RP1L1: variants seen among roughly 807,000 people sequenced by gnomAD.
The protein encoded by RP1L1 is RP1 like 1, also known as retinitis pigmentosa 1-like 1 protein.
Under a neutral mutation model 15.7 loss-of-function variants are expected in RP1L1, and 27 were observed. That is an observed-to-expected ratio of 1.72 (90% CI 1.27 to 2.38). RP1L1 has a LOEUF of 2.38. RP1L1 is among the 30% of genes most tolerant of loss of function. The probability of loss-of-function intolerance (pLI) is 0.00; values close to 1 mark genes in which losing one functional copy is unlikely to be tolerated. For synonymous variants in RP1L1, 1,813 were observed against 1,276.7 expected (o/e 1.42, Z -8.96); for missense variants, 4,798 against 3,075.9 (o/e 1.56, Z -13.24).
intron 3 of RP1L1, among the ~76,000 whole-genome samples, chr8:10,614,783 G>T (rs944454941): frequency 6.6e-6 from 1 of 151,992 alleles, no homozygotes; most frequent in Non-Finnish European, 1.5e-5. Context: ...CATCTCCTGG[G>T]GGGAGGGGGA....
rs777533649 is a variant in RP1L1 at position 10,622,860 on chromosome 8, A to C, written c.342T>G (p.Ser114Arg). The change falls in exon 2 of 4, where the codon AGT becomes AGG. Residue 114 changes from serine to arginine, a missense_variant. By Grantham distance (110) the Ser-to-Arg change is moderately radical. Coordinates refer to ENST00000382483, the MANE Select transcript of RP1L1 (RefSeq NM_178857.6). Reference sequence around the variant, plus strand: ...TTCTCTCCTGTGGCCGGCCTGGTCCACTGGGGGTCTTGGGGGGCTTCTTAT... The same window carrying C: ...TTCTCTCCTGTGGCCGGCCTGGTCCCCTGGGGGTCTTGGGGGGCTTCTTAT... ...CSDKKPPKTPSGPGRPQERNP... is the reference protein window; with the variant it reads ...CSDKKPPKTPRGPGRPQERNP... 2.5e-6 allele frequency: 4 copies of C among 1,612,746 alleles called. No individual in the cohort carries two copies. The highest frequency in any genetic ancestry group is 3.4e-6 in the Non-Finnish European group (4 of 1,179,276).
chr8:10,619,378 C>A (rs1237527290), intron 2 of RP1L1, among the ~76,000 whole-genome samples: 4 of 152,336 alleles, frequency 2.6e-5, no homozygotes, highest in African/African-American at 9.6e-5. Context: ...GCCACTGAGA[C>A]ATCAAAAGAT....
rs778582315 is a variant in RP1L1 at position 10,622,608 on chromosome 8, C to T, written c.594G>A (p.Thr198=). 9.1e-5 allele frequency: 147 copies of T among 1,614,104 alleles called. 3 individuals are homozygous for T. The highest frequency in any genetic ancestry group is 4.8e-4 in the Admixed American group (29 of 60,018). ...AACAGCCTACCTTTTTCCCGCTGGT[C>T]GTGTACAACTGCTTCACAGGAAAGC... ...LLRFPVKQLY[T]TSGKKVDSLQ... Residue 198 remains threonine, a synonymous_variant, in exon 2 of 4, where the codon ACG becomes ACA. Coordinates refer to ENST00000382483, the MANE Select transcript of RP1L1 (RefSeq NM_178857.6).
At chr8:10,653,852 CTGTCTG>C (rs1237851599) in intron 1 of RP1L1, among the ~76,000 whole-genome samples, 1 of 152,210 alleles carries the variant, frequency 6.6e-6, no homozygotes, top group Admixed American at 6.5e-5. Flanking sequence ...TGTGTTCTCA[CTGTCTG>C]AGATGCATTT....
intron 1 of RP1L1, among the ~76,000 whole-genome samples, chr8:10,625,710 G>GGT (rs1798145597): frequency 6.6e-6 from 1 of 152,210 alleles, no homozygotes; most frequent in South Asian, 2.1e-4. Context: ...GAACCATCCA[G>GGT]GTGCCCCCGG....
chr8:10,651,702 A>G (rs919143891), intron 1 of RP1L1, among the ~76,000 whole-genome samples: 2 of 149,456 alleles, frequency 1.3e-5, no homozygotes, highest in African/African-American at 4.9e-5. Flanking sequence ...GGCTGCAGTG[A>G]GCCGAGATCA....
At chr8:10,617,546 CTTTTTTTTTT>C (rs777209714) in intron 2 of RP1L1, among the ~76,000 whole-genome samples, 1 of 63,418 alleles carries the variant, frequency 1.6e-5, no homozygotes, top group Admixed American at 2.6e-4. Flanking sequence ...GTTTCTTTTT[CTTTTTTTTTT>C]TTTTTTTTTT....
At chr8:10,651,576 A>C (rs1449452361) in intron 1 of RP1L1, among the ~76,000 whole-genome samples, 1 of 151,876 alleles carries the variant, frequency 6.6e-6, no homozygotes, top group Non-Finnish European at 1.5e-5. Context: ...AAAATACAAA[A>C]ATTAGCTGGG....
In RP1L1 at chr8:10,609,223, G is replaced by T. The variant is rs1232016794; in HGVS notation, c.4875C>A (p.Gly1625=). Reference sequence around the variant, plus strand: ...CCAGGGTGAAGGAGAGGGGCCCCAGGCCCAGGGTCCGCTCAGAGAAGGCCG... The same window carrying T: ...CCAGGGTGAAGGAGAGGGGCCCCAGTCCCAGGGTCCGCTCAGAGAAGGCCG... ...NLSAFSERTL[G]LGPLSFTLED... Residue 1625 remains glycine (G), a synonymous_variant, in exon 4 of 4, where the codon GGC becomes GGA. Transcript: ENST00000382483. 1 of 1,609,734 alleles carries T rather than the reference G, an allele frequency of 6.2e-7. No homozygotes were observed. Among genetic ancestry groups the T allele is most frequent in the Admixed American group, 1.7e-5 (1 of 59,988 alleles).
In RP1L1 at chr8:10,648,762, G is replaced by C. The variant is rs796868104; in HGVS notation, c.-20+6136C>G. 3.3e-5 allele frequency among the ~76,000 whole-genome samples: 5 copies of C among 152,280 alleles called. 1 individual carries two copies. Among genetic ancestry groups the C allele is most frequent in the African/African-American group, 1.2e-4 (5 of 41,556 alleles). On this transcript the variant is annotated intron_variant, in intron 1 of 3. Coordinates refer to ENST00000382483, the MANE Select transcript of RP1L1 (RefSeq NM_178857.6). ...CCCTGACAGAGAACTTACAGTAATC[G>C]CTTTGGCTGGGAAATCTCTTGGATT...
rs1797706520 is a variant in RP1L1 at position 10,606,666 on chromosome 8, C to T, written c.*229G>A. On this transcript the variant is annotated 3_prime_UTR_variant, in exon 4 of 4. Transcript: ENST00000382483. ...TCCGATAACCGGGCAGATCCGCAGA[C>T]ACCCCCTTTCTTCACACTGCGTGTG... 1 of 658,144 alleles carries T rather than the reference C, an allele frequency of 1.5e-6. No individual in the cohort carries two copies. Among genetic ancestry groups the T allele is most frequent in the Admixed American group, 3.1e-5 (1 of 31,770 alleles). The allele number at this position is 658,144 out of a possible 1,614,324, so 40.8% of individuals were successfully genotyped here. A position where few individuals can be genotyped will look rare whatever the true frequency, so the allele number is the denominator to read the frequency against.
intron 1 of RP1L1, among the ~76,000 whole-genome samples, chr8:10,649,188 C>T (rs1340084823): frequency 6.6e-6 from 1 of 152,236 alleles, no homozygotes; most frequent in Non-Finnish European, 1.5e-5. Flanking sequence ...AACCCACAGA[C>T]ACAACTTTCT....
chr8:10,630,574 G>A (rs997814113), intron 1 of RP1L1, among the ~76,000 whole-genome samples: 5 of 152,212 alleles, frequency 3.3e-5, no homozygotes, highest in African/African-American at 1.2e-4. Context: ...TTCCCAGCCC[G>A]TAGGGGAGCT....
intron 1 of RP1L1, among the ~76,000 whole-genome samples, chr8:10,627,808 C>T (rs756161781): frequency 5.3e-5 from 8 of 152,200 alleles, no homozygotes; most frequent in Middle Eastern, 3.4e-3. Context: ...AACTCTCTGG[C>T]GCCCCAGGTT....
rs1353789139 is a variant in RP1L1, at chr8:10,611,193, T to C, written c.2905A>G (p.Ile969Val). ...EWLDNIPEEPILMTYELADET... is the reference protein window; with the variant it reads ...EWLDNIPEEPVLMTYELADET... ...TCCGCCAACTCATATGTCATGAGTA[T>C]GGGCTCTTCTGGAATGTTGTCCAGC... Residue 969 changes from isoleucine (I) to valine (V), a missense_variant, in exon 4 of 4, where the codon ATA (isoleucine) becomes GTA (valine). Physicochemically the swap from Ile to Val is conservative, Grantham distance 29. Coordinates refer to ENST00000382483, the MANE Select transcript of RP1L1 (RefSeq NM_178857.6). 1 of 1,612,962 alleles carries C rather than the reference T, an allele frequency of 6.2e-7. No homozygotes were observed. Among genetic ancestry groups the C allele is most frequent in the South Asian group, 1.1e-5 (1 of 91,086 alleles).
intron 2 of RP1L1, among the ~76,000 whole-genome samples, chr8:10,618,741 C>G (rs1798012047): frequency 6.6e-6 from 1 of 152,156 alleles, no homozygotes; most frequent in Admixed American, 6.5e-5. Context: ...TATCAGCTAC[C>G]TTGTGAGTTT....
At chr8:10,630,086 G>A (rs139557153) in intron 1 of RP1L1, among the ~76,000 whole-genome samples, 48 of 152,342 alleles carry the variant, frequency 3.2e-4, no homozygotes, top group African/African-American at 8.4e-4. Context: ...TCATGAGGGC[G>A]TAGTCAAGTC....
chr8:10,619,810 A>T (rs918292242), intron 2 of RP1L1, among the ~76,000 whole-genome samples: 3 of 152,000 alleles, frequency 2.0e-5, no homozygotes, highest in African/African-American at 7.2e-5. Context: ...ACAAAAAAAC[A>T]TTAGCTGGGC....
In RP1L1 at chr8:10,612,875, C is replaced by A. The variant is rs1206137743; in HGVS notation, c.1223G>T (p.Trp408Leu). 3.7e-6 allele frequency: 6 copies of A among 1,612,806 alleles called. No individual in the cohort carries two copies. The highest frequency in any genetic ancestry group is 5.1e-6 in the Non-Finnish European group (6 of 1,179,914). ...GGQPGPKYEI[W>L]TNPLHASQGE... ...CTGGGAGGCATGCAGGGGATTCGTC[C>A]AGATTTCATACTTGGGCCCTGGCTG... Residue 408 changes from tryptophan to leucine, a missense_variant, in exon 4 of 4, where the codon TGG becomes TTG. Physicochemically the swap from Trp to Leu is moderately conservative, Grantham distance 61. Coordinates refer to ENST00000382483, the MANE Select transcript of RP1L1 (RefSeq NM_178857.6).
Sources: gnomAD v4.1 joint callset for allele counts (sites outside exome capture counted in the v4.1 genomes callset) on GRCh38, gnomAD v4.1.1 for gene constraint, MANE v1.5 for transcripts, NCBI Gene and HGNC (gene_info 2026-07-23, HGNC 2026-07-21) for gene names.